Variants in CFAP299 observed in about 807,000 individuals in gnomAD.
The protein encoded by CFAP299 is cilia and flagella associated protein 299.
CFAP299 carries 21 observed loss-of-function variants against 27.0 expected under a neutral mutation model. That is an observed-to-expected ratio of 0.78 (90% CI 0.55 to 1.12). The LOEUF (loss-of-function observed/expected upper bound fraction) is 1.12. CFAP299 is among the 50% of genes most tolerant of loss of function. The probability of loss-of-function intolerance (pLI) is 0.00; values close to 1 mark genes in which losing one functional copy is unlikely to be tolerated. For synonymous variants in CFAP299, 104 were observed against 98.1 expected (o/e 1.06, Z -0.36); for missense variants, 310 against 276.6 (o/e 1.12, Z -0.86).
At chr4:80,638,747 T>C (rs1175026772) in intron 3 of CFAP299, among the ~76,000 whole-genome samples, 1 of 152,240 alleles carries the variant, frequency 6.6e-6, no homozygotes, top group African/African-American at 2.4e-5. Context: ...CCAAGTGTGA[T>C]CCATCATGGG....
At chr4:80,778,372 T>C (rs1030916459) in intron 3 of CFAP299, among the ~76,000 whole-genome samples, 1 of 152,130 alleles carries the variant, frequency 6.6e-6, no homozygotes, top group African/African-American at 2.4e-5. Flanking sequence ...CTGCCTCTGA[T>C]GGAGGCAATT....
intron 2 of CFAP299, among the ~76,000 whole-genome samples, chr4:80,494,064 C>T (rs905195092): frequency 7.2e-5 from 11 of 152,066 alleles, no homozygotes; most frequent in South Asian, 4.1e-4. Context: ...CGTGAGCCAC[C>T]GCGCCTGGCC....
At chr4:80,627,764 A>G (rs1738985379) in intron 3 of CFAP299, among the ~76,000 whole-genome samples, 1 of 152,028 alleles carries the variant, frequency 6.6e-6, no homozygotes, top group African/African-American at 2.4e-5. Flanking sequence ...ATATTTAGGA[A>G]TAAATTTAAC....
intron 4 of CFAP299, among the ~76,000 whole-genome samples, chr4:80,935,590 T>C (rs1736849180): frequency 6.6e-6 from 1 of 152,094 alleles, no homozygotes; most frequent in Admixed American, 6.6e-5. Context: ...AACTAAAATG[T>C]AATGCTTAAA....
chr4:80,839,516 A>G (rs928595819), intron 3 of CFAP299, among the ~76,000 whole-genome samples: 27 of 152,074 alleles, frequency 1.8e-4, no homozygotes, highest in African/African-American at 6.3e-4. Flanking sequence ...TGGCAGCCTA[A>G]CTTGAGGCAG....
chr4:80,846,127 T>C (rs1187080045), intron 3 of CFAP299, among the ~76,000 whole-genome samples: 1 of 152,124 alleles, frequency 6.6e-6, no homozygotes, highest in South Asian at 2.1e-4. Context: ...AGGGAGACTT[T>C]ATTAGAGGCA....
Position 80,591,104 on chromosome 4 carries a change from AATTTTTTTT to A in CFAP299, c.333+7922_333+7930del, listed in dbSNP as rs1736728810. 5.1e-5 allele frequency among the ~76,000 whole-genome samples: 6 copies of A among 116,534 alleles called. 1 individual carries two copies. The highest frequency in any genetic ancestry group is 3.1e-4 in the South Asian group (1 of 3,196). The allele number at this position is 116,534 out of a possible 152,430, so 76.5% of individuals were successfully genotyped here. On this transcript the variant is annotated intron_variant, in intron 3 of 5. Transcript: ENST00000358105. Reference sequence around the variant, plus strand: ...AGAAACAGATTATAATACTTTAGGAAATTTTTTTTTTTTTTTTTTTTTTTTTTATTTTTT... The same window carrying A: ...AGAAACAGATTATAATACTTTAGGAATTTTTTTTTTTTTTTTTTATTTTTT...
At chr4:80,374,207 C>T (rs1393536989) in intron 2 of CFAP299, among the ~76,000 whole-genome samples, 1 of 152,184 alleles carries the variant, frequency 6.6e-6, no homozygotes, top group Non-Finnish European at 1.5e-5. Context: ...CTTATTTCTG[C>T]TTTCTCTGAC....
intron 3 of CFAP299, among the ~76,000 whole-genome samples, chr4:80,695,344 A>C (rs1158142386): frequency 6.6e-6 from 1 of 152,122 alleles, no homozygotes; most frequent in African/African-American, 2.4e-5. Flanking sequence ...TTTGTTTTTG[A>C]CCACCTAGCT....
the CFAP299 span, among the ~76,000 whole-genome samples, chr4:80,323,954 G>T: frequency 1.4e-4 from 22 of 152,058 alleles, no homozygotes; most frequent in Non-Finnish European, 3.2e-4. Flanking sequence ...TCTTTAACTT[G>T]TGTAAGAAAC....
intron 3 of CFAP299, among the ~76,000 whole-genome samples, chr4:80,854,810 GAAA>G (rs58533748): frequency 0.032 from 1,367 of 43,134 alleles, 12 homozygotes; most frequent in African/African-American, 0.056. Context: ...CTGTTGCTAT[GAAA>G]AAAAAAAAAA....
At chr4:80,574,457 T>C (rs1735747493) in intron 2 of CFAP299, among the ~76,000 whole-genome samples, 1 of 152,174 alleles carries the variant, frequency 6.6e-6, no homozygotes, top group South Asian at 2.1e-4. Context: ...TTATTTCTTT[T>C]TCTTTTCTGA....
At chr4:80,832,389 T>C (rs1293219420) in intron 3 of CFAP299, among the ~76,000 whole-genome samples, 1 of 152,026 alleles carries the variant, frequency 6.6e-6, no homozygotes, top group African/African-American at 2.4e-5. Flanking sequence ...AAATGCTACA[T>C]GTAAATTTGA....
chr4:80,742,970 T>C lies in CFAP299; in HGVS notation c.334-127023T>C, dbSNP rs537956168. Among the ~76,000 whole-genome samples the C allele has an allele frequency of 5.9e-5, 9 of 152,280 alleles. No individual in the cohort carries two copies. In the South Asian group the frequency reaches 1.9e-3, roughly 32 times the overall value. ...CTCGATACTTCATGTTAAGAAAAGG[T>C]GATTCAGATATATATGTGGACAGGA... On this transcript the variant is annotated intron_variant, in intron 3 of 5. Transcript: ENST00000358105.
intron 3 of CFAP299, among the ~76,000 whole-genome samples, chr4:80,738,137 G>T (rs1170655152): frequency 6.6e-6 from 1 of 152,098 alleles, no homozygotes; most frequent in African/African-American, 2.4e-5. Context: ...GACTTATTTT[G>T]TGACCTAACA....
At chr4:80,866,062 TA>T (rs1560454000) in intron 3 of CFAP299, among the ~76,000 whole-genome samples, 6 of 49,284 alleles carry the variant, frequency 1.2e-4, no homozygotes, top group African/African-American at 8.4e-4. Flanking sequence ...TAAAGTATTA[TA>T]TATATATATA....
upstream of CFAP299, among the ~76,000 whole-genome samples, chr4:80,333,778 T>G (rs1722024678): frequency 6.6e-6 from 1 of 152,202 alleles, no homozygotes; most frequent in Non-Finnish European, 1.5e-5. Context: ...CAGGTTTCAG[T>G]CTTTAAAAAT....
At chr4:80,790,366 T>G (rs974400399) in intron 3 of CFAP299, 6 of 152,040 alleles carry the variant, frequency 3.9e-5, no homozygotes, top group Admixed American at 3.3e-4. Flanking sequence ...GCAATTTTCT[T>G]TTTTACAGAT....
Position 80,491,479 on chromosome 4 carries a change from T to C in CFAP299, c.243-91614T>C, listed in dbSNP as rs116486511. ...TCATAAATAGGACTTACAGATAATA[T>C]AGCCGATTTCTTTCTCTATTTAAAG... is the stretch of plus-strand genomic sequence containing the variant. On this transcript the variant is annotated intron_variant, in intron 2 of 5. Transcript: ENST00000358105. Among the ~76,000 whole-genome samples, 166 of 152,298 alleles carry C rather than the reference T, an allele frequency of 1.1e-3. 1 individual carries two copies. The highest frequency in any genetic ancestry group is 3.7e-3 in the African/African-American group (154 of 41,564).
Sources: allele counts gnomAD v4.1 joint callset (sites outside exome capture counted in the v4.1 genomes callset), GRCh38; gene constraint gnomAD v4.1.1; transcripts MANE v1.5; gene names NCBI Gene and HGNC (gene_info 2026-07-23, HGNC 2026-07-21).